CFAP77: variants seen among roughly 807,000 people sequenced by gnomAD.
CFAP77 encodes cilia- and flagella-associated protein 77.
Under a neutral mutation model 31.1 loss-of-function variants are expected in CFAP77, and 25 were observed. The ratio of observed to expected loss-of-function variants is 0.80; its 90% CI spans 0.59 to 1.12. CFAP77 has a LOEUF of 1.12. Among genes scored for constraint, CFAP77 ranks in the 50% most tolerant of loss-of-function variants. The probability of loss-of-function intolerance (pLI) is 0.00; values close to 1 mark genes in which losing one functional copy is unlikely to be tolerated. For synonymous variants in CFAP77, 151 were observed against 159.9 expected (o/e 0.94, Z 0.42); for missense variants, 377 against 397.3 (o/e 0.95, Z 0.44).
At chr9:132,434,206 A>G (rs1056816664) in intron 1 of CFAP77, among the ~76,000 whole-genome samples, 2 of 152,118 alleles carry the variant, frequency 1.3e-5, no homozygotes, top group East Asian at 3.8e-4. Flanking sequence ...TCTCCTCTGG[A>G]AGTCTTTCCA....
At chr9:132,531,831 C>T (rs1852459017) in intron 3 of CFAP77, among the ~76,000 whole-genome samples, 2 of 152,124 alleles carry the variant, frequency 1.3e-5, no homozygotes, top group South Asian at 4.1e-4. Context: ...CTCTCATGCC[C>T]CAAGCCCCTT....
chr9:132,523,510 C>G (rs1023676439), intron 3 of CFAP77, among the ~76,000 whole-genome samples: 1 of 152,374 alleles, frequency 6.6e-6, no homozygotes, highest in East Asian at 1.9e-4. Flanking sequence ...ATTACACACA[C>G]AGCCACTTCA....
chr9:132,503,948 A>G (rs1589891791), intron 3 of CFAP77, among the ~76,000 whole-genome samples: 2 of 152,288 alleles, frequency 1.3e-5, no homozygotes, highest in East Asian at 3.9e-4. Flanking sequence ...CTGAGGCATG[A>G]GAATTGCTTG....
At position 132,558,693 on chromosome 9, in the gene CFAP77, G is replaced by A. The variant is rs1285275462; in HGVS notation, c.733-13695G>A. ...GCATTCCAGCCTGGGTGACAAGAGT[G>A]AAACTCTGTCTCAAAATAAATAAAT... On this transcript the variant is annotated intron_variant, in intron 5 of 5. Transcript: ENST00000393216. 1.1e-4 allele frequency among the ~76,000 whole-genome samples: 17 copies of A among 149,672 alleles called. No homozygotes were observed. The East Asian group carries it at 1.6e-3, about 14-fold the overall frequency.
chr9:132,428,240 G>C (rs1230844112), intron 1 of CFAP77, among the ~76,000 whole-genome samples: 1 of 151,824 alleles, frequency 6.6e-6, no homozygotes, highest in African/African-American at 2.4e-5. Context: ...AAACTCCTGG[G>C]CTCAAGCAAT....
chr9:132,561,938 A>C (rs752576650), intron 5 of CFAP77, among the ~76,000 whole-genome samples: 30 of 152,122 alleles, frequency 2.0e-4, no homozygotes, highest in Non-Finnish European at 4.1e-4. Context: ...CCGCCTCGCA[A>C]GGAGGAACGG....
chr9:132,550,438 A>T (rs1041616055), intron 5 of CFAP77, among the ~76,000 whole-genome samples: 10 of 151,410 alleles, frequency 6.6e-5, no homozygotes, highest in African/African-American at 2.4e-4. Flanking sequence ...AGGAGAATAA[A>T]TCTCCGATGA....
chr9:132,427,522 C>T (rs949950501), intron 1 of CFAP77, among the ~76,000 whole-genome samples: 31 of 152,000 alleles, frequency 2.0e-4, no homozygotes, highest in African/African-American at 6.0e-4. Context: ...GGCTGAGGCA[C>T]GATAATCGCT....
At chr9:132,459,422 T>C (rs779562750) in intron 1 of CFAP77, among the ~76,000 whole-genome samples, 1 of 109,840 alleles carries the variant, frequency 9.1e-6, no homozygotes. Flanking sequence ...ATGAATAGGG[T>C]GTGTGTGTGT....
intron 1 of CFAP77, among the ~76,000 whole-genome samples, chr9:132,459,470 T>C (rs1850998725): frequency 6.6e-6 from 1 of 151,338 alleles, no homozygotes. Context: ...TGAGTGTATG[T>C]ATATGTATTT....
chr9:132,540,001 A>T, intron 4 of CFAP77, among the ~76,000 whole-genome samples: 1 of 152,000 alleles, frequency 6.6e-6, no homozygotes, highest in Non-Finnish European at 1.5e-5. Flanking sequence ...GGGCAATCTC[A>T]ACTCACTGCA....
At chr9:132,535,531 G>A (rs946247997) in intron 3 of CFAP77, among the ~76,000 whole-genome samples, 6 of 152,080 alleles carry the variant, frequency 3.9e-5, no homozygotes, top group African/African-American at 9.7e-5. Flanking sequence ...AGTCAACATA[G>A]CAAAACCCTG....
Position 132,424,213 on chromosome 9 carries a change from C to G in CFAP77, c.195+13747C>G, listed in dbSNP as rs550548982. On this transcript the variant is annotated intron_variant, in intron 1 of 5. Transcript: ENST00000393216. The surrounding 1 kb of genome is among the most constrained non-coding windows in gnomAD (Gnocchi z 4.1). ...ATGAGGTCAGGAGATGGAGACCATC[C>G]TGGCTAACACGGTGAAATCTGTCTC... 1.3e-5 allele frequency among the ~76,000 whole-genome samples: 2 copies of G among 152,242 alleles called. No individual in the cohort carries two copies. The highest frequency in any genetic ancestry group is 3.9e-4 in the East Asian group (2 of 5,174).
rs537906911 is a variant in CFAP77, at chr9:132,458,717, G to T, written c.196-39978G>T. Among the ~76,000 whole-genome samples, 15 of 105,958 alleles carry T rather than the reference G, an allele frequency of 1.4e-4. No homozygotes were observed. The South Asian group carries it at 4.0e-3, about 28-fold the overall frequency. 69.5% of individuals were successfully genotyped at this position (105,958 alleles called of 152,430 possible). On this transcript the variant is annotated intron_variant, in intron 1 of 5. Transcript: ENST00000393216. ...TAATTTAAATCTAAATAGCACTTGC[G>T]GCTGGCAGGTGTCGTGTTAGGCGGC...
At chr9:132,431,779 C>T (rs542568518) in intron 1 of CFAP77, among the ~76,000 whole-genome samples, 6 of 152,274 alleles carry the variant, frequency 3.9e-5, no homozygotes, top group Non-Finnish European at 5.9e-5. Context: ...GCCCAAATTT[C>T]CCCAAATTTA....
intron 3 of CFAP77, among the ~76,000 whole-genome samples, chr9:132,534,362 T>C (rs909542200): frequency 1.3e-5 from 2 of 152,030 alleles, no homozygotes; most frequent in Non-Finnish European, 2.9e-5. Context: ...CCTGTAATCC[T>C]AGCACTTTGG....
chr9:132,464,814 G>T (rs975560833), intron 1 of CFAP77, among the ~76,000 whole-genome samples: 1 of 152,092 alleles, frequency 6.6e-6, no homozygotes, highest in Non-Finnish European at 1.5e-5. Flanking sequence ...ATGCTGGGCC[G>T]GGCGCAGTGG....
intron 3 of CFAP77, among the ~76,000 whole-genome samples, chr9:132,526,407 T>C (rs937349233): frequency 6.6e-5 from 10 of 151,844 alleles, no homozygotes; most frequent in Non-Finnish European, 1.3e-4. Context: ...TTTTTTTTTG[T>C]ATTTTTAGTA....
chr9:132,530,705 C>T (rs765041590), intron 3 of CFAP77, among the ~76,000 whole-genome samples: 2 of 152,074 alleles, frequency 1.3e-5, no homozygotes, highest in Non-Finnish European at 2.9e-5. Flanking sequence ...ATGTGTTCTC[C>T]CTGTCTATAG....
Sources: allele counts gnomAD v4.1 joint callset (sites outside exome capture counted in the v4.1 genomes callset), GRCh38; gene constraint gnomAD v4.1.1; non-coding constraint Gnocchi (gnomAD v3.1); transcripts MANE v1.5; gene names NCBI Gene and HGNC (gene_info 2026-07-23, HGNC 2026-07-21).